Variants in HIVEP3 observed in about 807,000 individuals in gnomAD.
HIVEP3 encodes HIVEP zinc finger 3.
A neutral mutation model predicts 152.8 loss-of-function variants in HIVEP3; 49 were observed. That is an observed-to-expected ratio of 0.32 (90% CI 0.26 to 0.41). The LOEUF (loss-of-function observed/expected upper bound fraction) is 0.41. Among genes scored for constraint, HIVEP3 ranks in the 10% least tolerant of loss-of-function variants. The pLI, the probability that HIVEP3 is intolerant of heterozygous loss-of-function variation, is 1.00. For synonymous variants in HIVEP3, 1,269 were observed against 1,289.0 expected (o/e 0.98, Z 0.33); for missense variants, 2,790 against 3,103.3 (o/e 0.90, Z 2.40).
intron 1 of HIVEP3, among the ~76,000 whole-genome samples, chr1:41,971,136 C>A (rs1191418742): frequency 1.3e-5 from 2 of 152,188 alleles, no homozygotes; most frequent in Admixed American, 6.5e-5. Context: ...GGTCACAACA[C>A]AATGGGAAAA....
Position 41,583,933 on chromosome 1 carries a change from T to A in HIVEP3, c.865A>T (p.Ser289Cys), listed in dbSNP as rs1159505092. The A allele has an allele frequency of 1.9e-6, 3 of 1,614,048 alleles. No homozygotes were observed. The highest frequency in any genetic ancestry group is 2.5e-6 in the Non-Finnish European group (3 of 1,180,020). ...GESTDSEEETSATSGHPAELS... is the reference protein window; with the variant it reads ...GESTDSEEETCATSGHPAELS... The stretch of plus-strand genomic sequence containing the variant: ...TCTGCAGGGTGACCAGAGGTGGCAC[T>A]AGTCTCCTCTTCAGAATCTGTGCTT... The change falls in exon 4 of 9, where the codon AGT becomes TGT. Residue 289 changes from serine to cysteine, a missense_variant. This residue lies in a region of HIVEP3 where 125 missense variants were observed against 130.1 expected (regional missense o/e 0.96). Transcript: ENST00000372583. The surrounding 1 kb of genome is among the most constrained non-coding windows in gnomAD (Gnocchi z 6.9).
chr1:41,825,427 C>T (rs1032358797), intron 1 of HIVEP3, among the ~76,000 whole-genome samples: 2 of 152,018 alleles, frequency 1.3e-5, no homozygotes, highest in African/African-American at 4.8e-5. Flanking sequence ...CTCGCCACCA[C>T]GCCCAGCTAA....
intron 1 of HIVEP3, among the ~76,000 whole-genome samples, chr1:41,816,268 C>T (rs902274063): frequency 2.0e-5 from 3 of 152,150 alleles, no homozygotes; most frequent in Non-Finnish European, 2.9e-5. Context: ...ATGGCACAAT[C>T]GGGGTGGGTA....
intron 1 of HIVEP3, among the ~76,000 whole-genome samples, chr1:41,704,430 A>G (rs920504533): frequency 6.6e-6 from 1 of 152,218 alleles, no homozygotes; most frequent in African/African-American, 2.4e-5. Context: ...CCAGAGAATC[A>G]GCTTAGAGAA....
Position 41,662,176 on chromosome 1 carries a change from CGCGCTGGACTGGGCTGCGCT to C in HIVEP3, c.-720-33249_-720-33230del, listed in dbSNP as rs1645724092. The C allele has an allele frequency of 6.8e-6, 1 of 147,658 alleles. No individual in the cohort carries two copies. The highest frequency in any genetic ancestry group is 1.5e-5 in the Non-Finnish European group (1 of 66,452). 9.1% of individuals were successfully genotyped at this position (147,658 alleles called of 1,614,324 possible). On this transcript the variant is annotated intron_variant, in intron 2 of 8. Transcript: ENST00000372583. This position sits in a 1 kb window ranked among gnomAD's most constrained non-coding sequence, Gnocchi z 7.2. ...TCCGCTGCTCTGGGCTGGGCTGCGCCGCGCTGGACTGGGCTGCGCTGGGCTGCGCGCCCGGCCTCCGCGCG... is the reference window on the plus strand; with the variant it reads ...TCCGCTGCTCTGGGCTGGGCTGCGCCGGGCTGCGCGCCCGGCCTCCGCGCG...
chr1:41,593,929 T>C (rs567530459), intron 3 of HIVEP3, among the ~76,000 whole-genome samples: 1 of 152,332 alleles, frequency 6.6e-6, no homozygotes. Context: ...CCTGAATTCC[T>C]TGGCTCATGG....
At chr1:41,919,288 C>G (rs976544274), upstream of HIVEP3, among the ~76,000 whole-genome samples, 4 of 152,290 alleles carry the variant, frequency 2.6e-5, no homozygotes, top group East Asian at 3.9e-4. Flanking sequence ...AGACAGGGCA[C>G]TCTTGTCAGC....
At chr1:41,620,533 T>C (rs1645031953) in intron 3 of HIVEP3, among the ~76,000 whole-genome samples, 1 of 152,300 alleles carries the variant, frequency 6.6e-6, no homozygotes, top group South Asian at 2.1e-4. Flanking sequence ...CCTCAAGCTT[T>C]GGTCTCTAAT....
chr1:41,925,189 C>T (rs1049024841), intron 1 of HIVEP3, among the ~76,000 whole-genome samples: 9 of 152,152 alleles, frequency 5.9e-5, no homozygotes, highest in East Asian at 1.9e-4. Context: ...AGAGACTATA[C>T]GTGGCTTGCA....
In HIVEP3 at chr1:41,662,518, G is replaced by C. The variant is rs1264825745; in HGVS notation, c.-720-33571C>G. Among the ~76,000 whole-genome samples, 13 of 151,346 alleles carry C rather than the reference G, an allele frequency of 8.6e-5. No individual in the cohort carries two copies. Among genetic ancestry groups the C allele is most frequent in the Non-Finnish European group, 1.9e-4 (13 of 67,698 alleles). Reference sequence around the variant, plus strand: ...CCGGCCCGGGGCGCCTCTCCCGTCCGCTCGGCCTCACTGCTGGCCACCCCG... The same window carrying C: ...CCGGCCCGGGGCGCCTCTCCCGTCCCCTCGGCCTCACTGCTGGCCACCCCG... On this transcript the variant is annotated intron_variant, in intron 2 of 8. Transcript: ENST00000372583. This position sits in a 1 kb window ranked among gnomAD's most constrained non-coding sequence, Gnocchi z 7.2.
intron 2 of HIVEP3, among the ~76,000 whole-genome samples, chr1:41,695,162 T>C (rs986332572): frequency 1.3e-5 from 2 of 152,198 alleles, no homozygotes; most frequent in African/African-American, 2.4e-5. Context: ...GGCATTATTG[T>C]TGCTATGGGA....
intron 1 of HIVEP3, among the ~76,000 whole-genome samples, chr1:41,780,083 T>A (rs1387945553): frequency 6.6e-6 from 1 of 152,128 alleles, no homozygotes; most frequent in Non-Finnish European, 1.5e-5. Context: ...GAACCAACCT[T>A]GCTAGGGACG....
At chr1:41,770,420 G>A (rs1648279609) in intron 1 of HIVEP3, among the ~76,000 whole-genome samples, 2 of 152,206 alleles carry the variant, frequency 1.3e-5, no homozygotes, top group African/African-American at 4.8e-5. Context: ...CCCTGCTTGA[G>A]CATGGGCCGG....
chr1:41,574,591 G>T (rs947050860), intron 5 of HIVEP3, among the ~76,000 whole-genome samples: 1 of 152,144 alleles, frequency 6.6e-6, no homozygotes, highest in African/African-American at 2.4e-5. Flanking sequence ...TGCCTCCCAC[G>T]CTGACCCTGT....
chr1:41,947,381 C>T (rs1645081349), intron 1 of HIVEP3, among the ~76,000 whole-genome samples: 1 of 152,178 alleles, frequency 6.6e-6, no homozygotes, highest in Admixed American at 6.5e-5. Context: ...TAAAATTATC[C>T]AAAGACACCA....
intron 1 of HIVEP3, among the ~76,000 whole-genome samples, chr1:41,872,657 T>C (rs1036353018): frequency 6.6e-6 from 1 of 152,234 alleles, no homozygotes; most frequent in African/African-American, 2.4e-5. Context: ...ACAATATATA[T>C]ATACTTGTTG....
At chr1:41,643,586 C>A (rs1027177540) in intron 2 of HIVEP3, among the ~76,000 whole-genome samples, 3 of 152,232 alleles carry the variant, frequency 2.0e-5, no homozygotes, top group Non-Finnish European at 4.4e-5. Flanking sequence ...ACTAAAGTGA[C>A]AGATACACAG....
At chr1:41,987,646 C>T (rs642112) in intron 1 of HIVEP3, among the ~76,000 whole-genome samples, 117,488 of 152,186 alleles carry the variant, frequency 0.77, 46,137 homozygotes, top group East Asian at 0.96. Context: ...TTGACAAAAA[C>T]GCCAAGAACC....
intron 1 of HIVEP3, among the ~76,000 whole-genome samples, chr1:41,984,493 A>G (rs1293605283): frequency 1.3e-5 from 2 of 152,248 alleles, no homozygotes; most frequent in African/African-American, 4.8e-5. Flanking sequence ...TCAGAACTCA[A>G]AGGTGCACAA....
Sources: allele counts gnomAD v4.1 joint callset (sites outside exome capture counted in the v4.1 genomes callset), GRCh38; gene constraint gnomAD v4.1.1; regional missense constraint gnomAD v4.1.1; non-coding constraint Gnocchi (gnomAD v3.1); transcripts MANE v1.5; gene names NCBI Gene and HGNC (gene_info 2026-07-23, HGNC 2026-07-21).